Variants in DUSP16 observed in about 807,000 individuals in gnomAD.
The protein encoded by DUSP16 is dual specificity phosphatase 16.
A neutral mutation model predicts 58.3 loss-of-function variants in DUSP16; 21 were observed. That is an observed-to-expected ratio of 0.36 (90% confidence interval 0.26 to 0.52). The LOEUF (loss-of-function observed/expected upper bound fraction) is 0.52. Among genes scored for constraint, DUSP16 ranks in the 20% least tolerant of loss-of-function variants. The pLI is 0.94. For missense variants in DUSP16, 726 were observed against 819.0 expected, an observed-to-expected ratio of 0.89 and a Z score of 1.39; for synonymous variants, 320 against 323.8, an observed-to-expected ratio of 0.99 and a Z score of 0.12.
At chr12:12,497,895 G>A (rs574816622) in intron 4 of DUSP16, among the ~76,000 whole-genome samples, 76 of 152,096 alleles carry the variant, frequency 5.0e-4, no homozygotes, top group African/African-American at 1.8e-3. Context: ...GCTTGAACAC[G>A]GGAGGGGGAG....
At position 12,561,487 on chromosome 12, in the gene DUSP16, A is replaced by T. The variant is rs141448906; in HGVS notation, c.-366+630T>A. Among the ~76,000 whole-genome samples the T allele has an allele frequency of 1.2e-4, 19 of 152,150 alleles. No homozygotes were observed. In the East Asian group the frequency reaches 3.7e-3, roughly 29 times the overall value. ...TGATACACAGACCCTGGGCTTTTTT[A>T]TTTCTCACGTTTTGCAGCTAGTGTA... is the stretch of plus-strand genomic sequence containing the variant. On this transcript the variant is annotated intron_variant, in intron 1 of 6. Transcript: ENST00000298573.
chr12:12,498,430 T>A (rs183825610), intron 4 of DUSP16, among the ~76,000 whole-genome samples: 70 of 106,268 alleles, frequency 6.6e-4, no homozygotes, highest in African/African-American at 1.8e-3. Context: ...TTATTTATTT[T>A]TTGAGATAGG....
intron 6 of DUSP16, among the ~76,000 whole-genome samples, chr12:12,478,474 A>G (rs1565970529): frequency 6.6e-6 from 1 of 152,116 alleles, no homozygotes; most frequent in Non-Finnish European, 1.5e-5. Context: ...CTGGGATTAC[A>G]GGACTACACG....
chr12:12,562,520 A>G lies in DUSP16; in HGVS notation c.-769T>C, dbSNP rs990084509. 2 of 130,064 alleles carry G rather than the reference A, an allele frequency of 1.5e-5. No homozygotes were observed. The highest frequency in any genetic ancestry group is 5.7e-5 in the African/African-American group (2 of 35,094). 8.1% of individuals were successfully genotyped at this position (130,064 alleles called of 1,614,324 possible). On this transcript the variant is annotated 5_prime_UTR_variant, in exon 1 of 7. Coordinates refer to ENST00000298573, the MANE Select transcript of DUSP16 (RefSeq NM_030640.3). ...GGTAATAATCGTTTAAAAACTGATT[A>G]AAGCCCCCCAAACACTGATACATAG... is the stretch of plus-strand genomic sequence containing the variant.
chr12:12,498,658 G>C (rs1943867368), intron 4 of DUSP16, among the ~76,000 whole-genome samples: 1 of 152,062 alleles, frequency 6.6e-6, no homozygotes, highest in South Asian at 2.1e-4. Flanking sequence ...CAAATGATCT[G>C]CCCACCTGAC....
intron 1 of DUSP16, among the ~76,000 whole-genome samples, chr12:12,556,578 T>C (rs1408337907): frequency 1.3e-5 from 2 of 149,694 alleles, no homozygotes; most frequent in South Asian, 2.1e-4. Context: ...CCATCTTTAA[T>C]TAAAAAAAAA....
At position 12,477,122 on chromosome 12, in the gene DUSP16, G is replaced by A; in HGVS notation, c.1709C>T (p.Ser570Leu). ...ATESSHFYSASAIYGGSASYS... is the reference protein window; with the variant it reads ...ATESSHFYSALAIYGGSASYS... The stretch of plus-strand genomic sequence containing the variant: ...ACTGGCACTGCCTCCGTAGATGGCT[G>A]AGGCAGAGTAGAAGTGTGAGGACTC... The change falls in exon 7 of 7, where the codon TCA becomes TTA. Residue 570 changes from serine to leucine, a missense_variant. By Grantham distance (145) the Ser-to-Leu change is moderately radical. Transcript: ENST00000298573. The surrounding 1 kb of genome is among the most constrained non-coding windows in gnomAD (Gnocchi z 4.1). 6.2e-7 allele frequency: 1 copy of A among 1,614,262 alleles called. No individual in the cohort carries two copies. The highest frequency in any genetic ancestry group is 8.5e-7 in the Non-Finnish European group (1 of 1,180,052).
rs201941751 is a variant in DUSP16, at chr12:12,477,741, GCACGC to G, written c.1085_1089del (p.Ser362ThrfsTer32). 37,860 of 1,590,182 alleles carry G rather than the reference GCACGC, an allele frequency of 0.024. 2,917 individuals are homozygous for G. In the East Asian group the frequency reaches 0.25, roughly 11 times the overall value. On this transcript the variant is annotated frameshift_variant, in exon 7 of 7. Transcript: ENST00000298573. LOFTEE classifies it high-confidence loss of function. The surrounding 1 kb of genome is among the most constrained non-coding windows in gnomAD (Gnocchi z 4.1). ...TCTAACAGCGACGGCTGCACGCTGGGCACGCTGGGCACGCTGGCGGGATGCACGGG... is the reference window on the plus strand; with the variant it reads ...TCTAACAGCGACGGCTGCACGCTGGGTGGGCACGCTGGCGGGATGCACGGG...
Position 12,480,301 on chromosome 12 carries a change from G to A in DUSP16, c.737C>T (p.Ala246Val). 6.2e-7 allele frequency: 1 copy of A among 1,614,186 alleles called. No homozygotes were observed. Among genetic ancestry groups the A allele is most frequent in the South Asian group, 1.1e-5 (1 of 91,082 alleles). Reference sequence around the variant, plus strand: ...GATGGTGGCGGAGCGGGAGATCCCAGCTAAACAGTGCACTAGAACACATCC... The same window carrying A: ...GATGGTGGCGGAGCGGGAGATCCCAACTAAACAGTGCACTAGAACACATCC... ...SNGCVLVHCL[A>V]GISRSATIAI... The change falls in exon 6 of 7, where the codon GCT becomes GTT. Residue 246 changes from alanine (A) to valine (V), a missense_variant. Coordinates refer to ENST00000298573, the MANE Select transcript of DUSP16 (RefSeq NM_030640.3).
At chr12:12,486,050 C>T (rs1289958944) in intron 5 of DUSP16, among the ~76,000 whole-genome samples, 2 of 149,022 alleles carry the variant, frequency 1.3e-5, no homozygotes, top group East Asian at 2.0e-4. Context: ...GCCTAGGCCT[C>T]CCAAAGTGCT....
chr12:12,551,787 G>A (rs1198031777), intron 1 of DUSP16, among the ~76,000 whole-genome samples: 1 of 151,484 alleles, frequency 6.6e-6, no homozygotes, highest in African/African-American at 2.4e-5. Context: ...CCACCTCCCA[G>A]GTTCAAGCAA....
chr12:12,562,562 G>C lies in DUSP16; in HGVS notation c.-811C>G, dbSNP rs1399919170. Among the ~76,000 whole-genome samples the C allele has an allele frequency of 6.1e-5, 9 of 148,336 alleles. No individual in the cohort carries two copies. Among genetic ancestry groups the C allele is most frequent in the Middle Eastern group, 6.9e-3 (2 of 288 alleles). On this transcript the variant is annotated 5_prime_UTR_variant, in exon 1 of 7. Transcript: ENST00000298573. ...GATACATAGAAAGAGGGGGAAAGGC[G>C]GGGGGGTGGGGTGGGGGGTTGGGGG...
intron 5 of DUSP16, among the ~76,000 whole-genome samples, chr12:12,482,960 G>A (rs1943601709): frequency 1.3e-5 from 2 of 152,104 alleles, no homozygotes; most frequent in African/African-American, 2.4e-5. Context: ...CAATCCTCCC[G>A]CCTCCGCTTC....
chr12:12,519,806 T>G, intron 3 of DUSP16, 56 bp downstream of exon 3: 2 of 1,584,330 alleles, frequency 1.3e-6, no homozygotes, highest in Non-Finnish European at 1.7e-6. Flanking sequence ...TGAAATATGC[T>G]TACTCATACA....
intron 1 of DUSP16, among the ~76,000 whole-genome samples, chr12:12,525,682 G>A (rs1944295713): frequency 6.6e-6 from 1 of 151,782 alleles, no homozygotes; most frequent in South Asian, 2.1e-4. Flanking sequence ...AGACCAGCCT[G>A]AGCAACACAG....
In DUSP16 at chr12:12,477,620, A is replaced by G. The variant is rs374358053; in HGVS notation, c.1211T>C (p.Ile404Thr). 1 of 1,614,112 alleles carries G rather than the reference A, an allele frequency of 6.2e-7. No homozygotes were observed. Among genetic ancestry groups the G allele is most frequent in the African/African-American group, 1.3e-5 (1 of 74,940 alleles). The change falls in exon 7 of 7, where the codon ATC becomes ACC. Residue 404 changes from isoleucine (I) to threonine (T), a missense_variant. Transcript: ENST00000298573. This position sits in a 1 kb window ranked among gnomAD's most constrained non-coding sequence, Gnocchi z 4.1. Reference protein sequence around the residue: ...NKLKRSFSLDIKSVSYSASMA... With the variant: ...NKLKRSFSLDTKSVSYSASMA... The stretch of plus-strand genomic sequence containing the variant: ...GCTGGCTGAATATGAAACTGATTTG[A>G]TATCCAGAGAGAAGGAACGCTTGAG...
At chr12:12,479,995 A>G (rs1192673521) in intron 6 of DUSP16, among the ~76,000 whole-genome samples, 1 of 152,252 alleles carries the variant, frequency 6.6e-6, no homozygotes, top group Non-Finnish European at 1.5e-5. Flanking sequence ...TTAAACATAA[A>G]AAGTGGCTGA....
In DUSP16 at chr12:12,502,132, G is replaced by T. The variant is rs539394227; in HGVS notation, c.368-1450C>A. 9.2e-5 allele frequency among the ~76,000 whole-genome samples: 14 copies of T among 152,328 alleles called. No individual in the cohort carries two copies. The South Asian group carries it at 1.2e-3, about 14-fold the overall frequency. The stretch of plus-strand genomic sequence containing the variant: ...CATCTCTTTGAGTTATATTGTATTA[G>T]ACTTTCTCCCACTTCAAGAAACACA... On this transcript the variant is annotated intron_variant, in intron 3 of 6. Coordinates refer to ENST00000298573, the MANE Select transcript of DUSP16 (RefSeq NM_030640.3).
At chr12:12,485,786 CTTTTTTTTTTT>C (rs749939375) in intron 5 of DUSP16, among the ~76,000 whole-genome samples, 16 of 107,688 alleles carry the variant, frequency 1.5e-4, no homozygotes, top group African/African-American at 2.0e-4. Context: ...GCCAATTCCA[CTTTTTTTTTTT>C]TTTTTTTTTT....
Sources: gnomAD v4.1 joint callset for allele counts (sites outside exome capture counted in the v4.1 genomes callset) on GRCh38, gnomAD v4.1.1 for gene constraint, Gnocchi (gnomAD v3.1) non-coding constraint, MANE v1.5 for transcripts, NCBI Gene and HGNC (gene_info 2026-07-23, HGNC 2026-07-21) for gene names.